The following GPHN variants were observed in gnomAD, a reference collection of about 807,000 sequenced individuals.
GPHN encodes gephyrin.
Under a neutral mutation model 95.5 loss-of-function variants are expected in GPHN, and 17 were observed. The ratio of observed to expected loss-of-function variants is 0.18; its 90% CI spans 0.12 to 0.27. The LOEUF (loss-of-function observed/expected upper bound fraction) is 0.27, where lower values mean the gene tolerates loss of function less well. GPHN is among the 10% of genes least tolerant of loss of function. The probability of loss-of-function intolerance (pLI) is 1.00; values close to 1 mark genes in which losing one functional copy is unlikely to be tolerated. For synonymous variants in GPHN, 320 were observed against 322.5 expected, an observed-to-expected ratio of 0.99 and a Z score of 0.08; for missense variants, 660 against 978.1, an observed-to-expected ratio of 0.67 and a Z score of 4.34.
chr14:67,642,883 A>AC, the GPHN span, among the ~76,000 whole-genome samples: 1 of 134,798 alleles, frequency 7.4e-6, no homozygotes, highest in South Asian at 2.3e-4. Context: ...GCTCACTGCA[A>AC]CCTCTGCCTC....
chr14:67,301,529 A>C, the GPHN span: 1 of 1,207,136 alleles, frequency 8.3e-7, no homozygotes, highest in Non-Finnish European at 1.2e-6. Flanking sequence ...TTTTTAAATC[A>C]AAGACTCCAG....
intron 1 of GPHN, among the ~76,000 whole-genome samples, chr14:66,643,672 C>A (rs1036465750): frequency 6.6e-6 from 1 of 150,552 alleles, no homozygotes; most frequent in Non-Finnish European, 1.5e-5. Context: ...CAGAAACAGA[C>A]AAAATTAATA....
intron 2 of GPHN, among the ~76,000 whole-genome samples, chr14:66,744,378 C>T (rs1013084940): frequency 6.6e-6 from 1 of 152,166 alleles, no homozygotes; most frequent in African/African-American, 2.4e-5. Context: ...AAATCTGTTC[C>T]TCTTCAGCAT....
intron 9 of GPHN, 98 bp downstream of exon 9, chr14:66,965,423 C>T: frequency 9.4e-7 from 1 of 1,067,454 alleles, no homozygotes; most frequent in South Asian, 1.3e-5. Context: ...GGATTGCATG[C>T]AAGATTACAC....
the GPHN span, among the ~76,000 whole-genome samples, chr14:67,323,470 C>T: frequency 2.0e-5 from 3 of 151,552 alleles, no homozygotes; most frequent in Admixed American, 2.0e-4. Flanking sequence ...AAAAAGTTAG[C>T]TGAACATGGT....
At chr14:67,407,881 G>T in the GPHN span, among the ~76,000 whole-genome samples, 4 of 152,160 alleles carry the variant, frequency 2.6e-5, no homozygotes, top group African/African-American at 9.7e-5. Flanking sequence ...GCTGAGCCAG[G>T]AAGTTCGCTT....
chr14:66,599,623 T>G (rs1408357211), intron 1 of GPHN, among the ~76,000 whole-genome samples: 1 of 151,906 alleles, frequency 6.6e-6, no homozygotes, highest in African/African-American at 2.4e-5. Context: ...ATATAAAAAT[T>G]ATATTGCTTG....
At chr14:66,908,160 G>A (rs2065478584) in intron 5 of GPHN, among the ~76,000 whole-genome samples, 1 of 151,576 alleles carries the variant, frequency 6.6e-6, no homozygotes, top group Admixed American at 6.6e-5. Flanking sequence ...TTACCATTTG[G>A]CAATAAAAGG....
At chr14:67,674,571 C>A in the GPHN span, 1 of 1,260,504 alleles carries the variant, frequency 7.9e-7, no homozygotes, top group East Asian at 2.9e-5. Context: ...CCGCCCAGCC[C>A]AGTGGCCATA....
At chr14:67,018,304 C>CA (rs2073421035) in intron 9 of GPHN, among the ~76,000 whole-genome samples, 2 of 151,636 alleles carry the variant, frequency 1.3e-5, no homozygotes, top group African/African-American at 4.9e-5. Flanking sequence ...AATTATATCT[C>CA]AACACTGCTA....
intron 11 of GPHN, among the ~76,000 whole-genome samples, chr14:67,070,855 G>C (rs1407307543): frequency 1.3e-5 from 2 of 151,490 alleles, no homozygotes; most frequent in Non-Finnish European, 2.9e-5. Flanking sequence ...TTATAGCTAT[G>C]TAATTGAATA....
chr14:67,406,925 T>C, the GPHN span, among the ~76,000 whole-genome samples: 1 of 152,048 alleles, frequency 6.6e-6, no homozygotes, highest in South Asian at 2.1e-4. Context: ...TAGCTTCTCT[T>C]TTAGGTTTCT....
chr14:67,625,542 T>C, the GPHN span, among the ~76,000 whole-genome samples: 14 of 151,314 alleles, frequency 9.3e-5, no homozygotes, highest in Non-Finnish European at 1.8e-4. Context: ...TAGCCGGGCA[T>C]GGTGGTGCAT....
chr14:66,588,600 CAAT>C (rs1008341269), intron 1 of GPHN, among the ~76,000 whole-genome samples: 7 of 151,940 alleles, frequency 4.6e-5, no homozygotes, highest in Admixed American at 4.6e-4. Context: ...ACACAAGTAT[CAAT>C]AGGCGAATCG....
chr14:67,143,908 C>T (rs934048350), intron 18 of GPHN, among the ~76,000 whole-genome samples: 4 of 151,798 alleles, frequency 2.6e-5, no homozygotes, highest in African/African-American at 9.7e-5. Flanking sequence ...TTAGGCATTC[C>T]TTTTGCTCCT....
At chr14:67,449,236 G>T in the GPHN span, among the ~76,000 whole-genome samples, 2 of 152,144 alleles carry the variant, frequency 1.3e-5, no homozygotes, top group Non-Finnish European at 2.9e-5. Context: ...ATTCAGTCTG[G>T]CCAAGAGGAT....
the GPHN span, chr14:67,651,516 G>A: frequency 1.7e-5 from 28 of 1,609,626 alleles, no homozygotes; most frequent in South Asian, 3.1e-4. Flanking sequence ...GTAGTCAGAA[G>A]TTTGGATAAC....
At chr14:67,558,679 C>T in the GPHN span, among the ~76,000 whole-genome samples, 12 of 152,292 alleles carry the variant, frequency 7.9e-5, no homozygotes, top group South Asian at 2.1e-4. Flanking sequence ...TGGTTTTAGT[C>T]CCAGCTGTGC....
At chr14:66,599,354 CTTT>C (rs2140809708) in intron 1 of GPHN, among the ~76,000 whole-genome samples, 1 of 130,420 alleles carries the variant, frequency 7.7e-6, no homozygotes, top group South Asian at 2.4e-4. Flanking sequence ...TTTTATTATC[CTTT>C]TACCTCTGTT....
Sources: allele counts gnomAD v4.1 joint callset (sites outside exome capture counted in the v4.1 genomes callset), GRCh38; gene constraint gnomAD v4.1.1; transcripts MANE v1.5; gene names NCBI Gene and HGNC (gene_info 2026-07-23, HGNC 2026-07-21).